Variants in SETDB2 observed in about 807,000 individuals in gnomAD.
SETDB2 encodes SET domain bifurcated histone lysine methyltransferase 2, also known as histone-lysine N-methyltransferase SETDB2.
A neutral mutation model predicts 82.5 loss-of-function variants in SETDB2; 56 were observed. The observed-to-expected ratio is 0.68, with a 90% CI of 0.55 to 0.85. The LOEUF is 0.85. Among genes scored for constraint, SETDB2 ranks in the 40% least tolerant of loss-of-function variants. The pLI is 0.00. For synonymous variants in SETDB2, 272 were observed against 284.9 expected, an observed-to-expected ratio of 0.95 and a Z score of 0.46; for missense variants, 677 against 816.4, an observed-to-expected ratio of 0.83 and a Z score of 2.08.
At chr13:49,488,170 T>C in intron 11 of SETDB2, 120 bp from the exon 12 acceptor site, 1 of 1,332,450 alleles carries the variant, frequency 7.5e-7, no homozygotes, top group Non-Finnish European at 9.8e-7. Flanking sequence ...TAATACTACC[T>C]GCCTAACACA....
At chr13:49,487,111 A>G (rs1958612528) in intron 11 of SETDB2, among the ~76,000 whole-genome samples, 1 of 152,216 alleles carries the variant, frequency 6.6e-6, no homozygotes, top group Non-Finnish European at 1.5e-5. Context: ...TACTTTTTGT[A>G]TAAAAAAATC....
In SETDB2 at chr13:49,490,792, C is replaced by T. The variant is rs186505705; in HGVS notation, c.1918-30C>T. On this transcript the variant is annotated intron_variant, in intron 12 of 13. Coordinates refer to ENST00000611815, the MANE Select transcript of SETDB2 (RefSeq NM_001160308.3). ...CAAGGCATCAGACTTTATGCTATTTCTAACCTTTGTGTTTATTTTTATTTA... is the reference window on the plus strand; with the variant it reads ...CAAGGCATCAGACTTTATGCTATTTTTAACCTTTGTGTTTATTTTTATTTA... 336 of 1,543,402 alleles carry T rather than the reference C, an allele frequency of 2.2e-4. 1 individual carries two copies. The African/African-American group carries it at 3.8e-3, about 18-fold the overall frequency.
chr13:49,474,493 A>G (rs971363331), intron 5 of SETDB2, among the ~76,000 whole-genome samples: 2 of 152,230 alleles, frequency 1.3e-5, no homozygotes, highest in Non-Finnish European at 2.9e-5. Context: ...ATGTTCTGCA[A>G]CAGTATCTAA....
chr13:49,451,200 G>A (rs1269032380), intron 1 of SETDB2, among the ~76,000 whole-genome samples: 1 of 150,890 alleles, frequency 6.6e-6, no homozygotes, highest in Non-Finnish European at 1.5e-5. Flanking sequence ...CGTATGTCAG[G>A]CACATTATAT....
chr13:49,483,914 C>G (rs1409912687), intron 10 of SETDB2, among the ~76,000 whole-genome samples: 1 of 152,076 alleles, frequency 6.6e-6, no homozygotes, highest in East Asian at 1.9e-4. Flanking sequence ...GCCACCGCAC[C>G]CAGCTGCTGG....
rs1455092262 is a variant in SETDB2 at position 49,487,063 on chromosome 13, A to G, written c.1577-1227A>G. On this transcript the variant is annotated intron_variant, in intron 11 of 13. Coordinates refer to ENST00000611815, the MANE Select transcript of SETDB2 (RefSeq NM_001160308.3). ...TTTTGCCCTTTTCATTGACTGCTAC[A>G]ATATATATAGCGGGTACTCCAAAAG... Among the ~76,000 whole-genome samples the G allele has an allele frequency of 2.6e-5, 4 of 152,184 alleles. No individual in the cohort carries two copies. The East Asian group carries it at 7.7e-4, about 29-fold the overall frequency.
intron 4 of SETDB2, chr13:49,464,152 T>C: frequency 1.4e-6 from 1 of 728,122 alleles, no homozygotes; most frequent in East Asian, 2.5e-5. Flanking sequence ...GATAAATGGG[T>C]CCTATGAGAA....
intron 2 of SETDB2, among the ~76,000 whole-genome samples, chr13:49,455,785 CAAAA>C (rs10558406): frequency 0.048 from 7,093 of 149,088 alleles, 245 homozygotes; most frequent in South Asian, 0.13. Context: ...TAAAAAAAAA[CAAAA>C]AAAAACTAGA....
Position 49,488,433 on chromosome 13 carries a change from A to G in SETDB2, c.1720A>G (p.Lys574Glu), listed in dbSNP as rs753064995. The G allele has an allele frequency of 1.9e-6, 3 of 1,614,112 alleles. No individual in the cohort carries two copies. Among genetic ancestry groups the G allele is most frequent in the Non-Finnish European group, 8.5e-7 (1 of 1,179,998 alleles). Residue 574 changes from lysine to glutamate, a missense_variant, in exon 12 of 14, where the codon AAA becomes GAA. Lys to Glu is a moderately conservative substitution (Grantham distance 56). Coordinates refer to ENST00000611815, the MANE Select transcript of SETDB2 (RefSeq NM_001160308.3). ...GACCACATTGGATAATCAGAATATT[A>G]AAAAGGCAATTGAGGTTCAAATTCA... ...QATTLDNQNIKKAIEVQIQKP... is the reference protein window; with the variant it reads ...QATTLDNQNIEKAIEVQIQKP...
chr13:49,469,477 G>C (rs1226280015), intron 5 of SETDB2, among the ~76,000 whole-genome samples: 1 of 152,206 alleles, frequency 6.6e-6, no homozygotes, highest in African/African-American at 2.4e-5. Flanking sequence ...TCACCTACTT[G>C]TTAACTCAGC....
At chr13:49,485,481 A>G (rs1958579763) in intron 10 of SETDB2, 149 bp from the exon 11 acceptor site, 1 of 626,776 alleles carries the variant, frequency 1.6e-6, no homozygotes, top group South Asian at 2.0e-5. Flanking sequence ...CCATTAGTCT[A>G]AAGACTCCTT....
At position 49,451,103 on chromosome 13, in the gene SETDB2, AAAATT is replaced by A. The variant is rs199697096; in HGVS notation, c.-341-445_-341-441del. ...AAATGTTTTTAATGAAAGATTATAA[AAAATT>A]AAATATACTACAATCCAAATTTTTG... On this transcript the variant is annotated intron_variant, in intron 1 of 13. Coordinates refer to ENST00000611815, the MANE Select transcript of SETDB2 (RefSeq NM_001160308.3). Among the ~76,000 whole-genome samples the A allele has an allele frequency of 8.3e-3, 1,257 of 151,828 alleles. 45 individuals are homozygous for A. Among genetic ancestry groups the A allele is most frequent in the Admixed American group, 0.065 (999 of 15,262 alleles).
intron 4 of SETDB2, among the ~76,000 whole-genome samples, chr13:49,466,867 G>C (rs1166413887): frequency 1.4e-5 from 2 of 145,734 alleles, no homozygotes; most frequent in East Asian, 2.0e-4. Context: ...TGTTGCTCAG[G>C]GGGGCCTTAA....
At position 49,492,893 on chromosome 13, in the gene SETDB2, G is replaced by A. The variant is rs942735057; in HGVS notation, c.*1044G>A. The A allele has an allele frequency of 6.6e-6, 1 of 152,086 alleles. No individual in the cohort carries two copies. Among genetic ancestry groups the A allele is most frequent in the African/African-American group, 2.4e-5 (1 of 41,400 alleles). 9.4% of individuals were successfully genotyped at this position (152,086 alleles called of 1,614,324 possible). On this transcript the variant is annotated 3_prime_UTR_variant, in exon 14 of 14. Coordinates refer to ENST00000611815, the MANE Select transcript of SETDB2 (RefSeq NM_001160308.3). ...GATCATTTGAGCTCAGAAGGTCAAG[G>A]CTGCAATGAGACATAATTTCACCAT...
Position 49,485,752 on chromosome 13 carries a change from A to G in SETDB2, c.1576+29A>G, listed in dbSNP as rs772751538. On this transcript the variant is annotated intron_variant, in intron 11 of 13. Coordinates refer to ENST00000611815, the MANE Select transcript of SETDB2 (RefSeq NM_001160308.3). ...GGCTTTGTTTCTTCTGTGAATGCCT[A>G]CCTCTTCTGCCTGTTTCTCTGTCTC... is the stretch of plus-strand genomic sequence containing the variant. The G allele has an allele frequency of 2.6e-6, 4 of 1,536,574 alleles. No homozygotes were observed. The African/African-American group carries it at 4.1e-5, about 16-fold the overall frequency.
intron 10 of SETDB2, among the ~76,000 whole-genome samples, 169 bp downstream of exon 10, chr13:49,483,732 A>G (rs538575803): frequency 4.4e-5 from 6 of 137,532 alleles, no homozygotes; most frequent in Middle Eastern, 9.3e-3. Flanking sequence ...GGGCTCGAGT[A>G]TCCTCCTCCC....
At chr13:49,461,056 A>G (rs1267291540) in intron 3 of SETDB2, 41 bp from the exon 4 acceptor site, 2 of 1,471,548 alleles carry the variant, frequency 1.4e-6, no homozygotes, top group South Asian at 1.2e-5. Context: ...CTGGCACCAT[A>G]AATAAAGGTA....
chr13:49,483,359 A>T, intron 9 of SETDB2, 105 bp from the exon 10 acceptor site: 1 of 453,426 alleles, frequency 2.2e-6, no homozygotes, highest in Non-Finnish European at 3.9e-6. Context: ...AGGTTAATTT[A>T]TAATAATTAA....
chr13:49,464,243 T>C (rs984040343), intron 4 of SETDB2, among the ~76,000 whole-genome samples: 1 of 152,238 alleles, frequency 6.6e-6, no homozygotes, highest in Non-Finnish European at 1.5e-5. Flanking sequence ...AAATCATTCC[T>C]GGTTGATGAA....
Sources: gnomAD v4.1 joint callset for allele counts (sites outside exome capture counted in the v4.1 genomes callset) on GRCh38, gnomAD v4.1.1 for gene constraint, MANE v1.5 for transcripts, NCBI Gene and HGNC (gene_info 2026-07-23, HGNC 2026-07-21) for gene names.